B3GALT5: variants seen among roughly 807,000 people sequenced by gnomAD.
The protein encoded by B3GALT5 is UDP-Gal:betaGlcNAc beta 1,3-galactosyltransferase, polypeptide 5.
For missense variants in B3GALT5, 328 were observed against 396.6 expected, an observed-to-expected ratio of 0.83 and a Z score of 1.47; for synonymous variants, 156 against 158.6, an observed-to-expected ratio of 0.98 and a Z score of 0.12.
chr21:39,651,958 G>C (rs910639958), intron 2 of B3GALT5, among the ~76,000 whole-genome samples: 20 of 152,142 alleles, frequency 1.3e-4, no homozygotes, highest in Non-Finnish European at 2.6e-4. Context: ...GAGTTCACAG[G>C]CTTCACCCGA....
intron 1 of B3GALT5, among the ~76,000 whole-genome samples, chr21:39,625,124 AC>A: frequency 6.6e-6 from 1 of 152,336 alleles, no homozygotes; most frequent in Admixed American, 6.5e-5. Flanking sequence ...CATGCCACTT[AC>A]ACATGTCTAA....
chr21:39,638,305 C>T (rs1276436999), intron 1 of B3GALT5, among the ~76,000 whole-genome samples: 1 of 152,128 alleles, frequency 6.6e-6, no homozygotes, highest in Non-Finnish European at 1.5e-5. Flanking sequence ...ACACAGGTGG[C>T]GGGACGTCGA....
At chr21:39,638,446 C>CG in intron 1 of B3GALT5, among the ~76,000 whole-genome samples, 1 of 152,280 alleles carries the variant, frequency 6.6e-6, no homozygotes, top group South Asian at 2.1e-4. Context: ...CTAGGGCAGT[C>CG]GGGGGAGAGC....
intron 1 of B3GALT5, among the ~76,000 whole-genome samples, chr21:39,619,724 T>G (rs187336991): frequency 6.6e-6 from 1 of 152,216 alleles, no homozygotes; most frequent in Non-Finnish European, 1.5e-5. Flanking sequence ...CCACAAGTTT[T>G]AATTGCTGTG....
intron 1 of B3GALT5, among the ~76,000 whole-genome samples, chr21:39,642,183 G>A (rs1158841226): frequency 6.6e-6 from 1 of 152,194 alleles, no homozygotes; most frequent in Non-Finnish European, 1.5e-5. Context: ...TTCATCAAGT[G>A]TACATTGCAC....
Position 39,666,839 on chromosome 21 carries a change from C to G in B3GALT5, c.*5347C>G, listed in dbSNP as rs901349967. On this transcript the variant is annotated 3_prime_UTR_variant, in exon 4 of 4. Transcript: ENST00000684187. ...CCTTCTTTCCTTGAGCCCCATATCC[C>G]ACGCCCGCTGTGCTAACCTCTGGCT... 1 of 152,316 alleles carries G rather than the reference C, an allele frequency of 6.6e-6. No individual in the cohort carries two copies. The highest frequency in any genetic ancestry group is 1.5e-5 in the Non-Finnish European group (1 of 68,108). 9.4% of individuals were successfully genotyped at this position (152,316 alleles called of 1,614,324 possible).
At chr21:39,649,656 A>T (rs199636783) in intron 2 of B3GALT5, among the ~76,000 whole-genome samples, 29 of 70,946 alleles carry the variant, frequency 4.1e-4, no homozygotes, top group South Asian at 1.8e-3. Flanking sequence ...AGGAGACCCC[A>T]GGGGCGAGGG....
Position 39,665,125 on chromosome 21 carries a change from C to T in B3GALT5, c.*3633C>T, listed in dbSNP as rs2079567363. 6.6e-6 allele frequency: 1 copy of T among 152,276 alleles called. No individual in the cohort carries two copies. Among genetic ancestry groups the T allele is most frequent in the Non-Finnish European group, 1.5e-5 (1 of 68,174 alleles). The allele number at this position is 152,276 out of a possible 1,614,324, so 9.4% of individuals were successfully genotyped here. A position where few individuals can be genotyped will look rare whatever the true frequency, so the allele number is the denominator to read the frequency against. On this transcript the variant is annotated 3_prime_UTR_variant, in exon 4 of 4. Transcript: ENST00000684187. ...CACATCCAGCCCATCTGCAGCCATT[C>T]CCGTCTCAGGTAATGGCCACTCCAT...
At chr21:39,634,153 G>A (rs951014211) in intron 1 of B3GALT5, among the ~76,000 whole-genome samples, 3 of 151,970 alleles carry the variant, frequency 2.0e-5, no homozygotes, top group Non-Finnish European at 4.4e-5. Context: ...TTTCAACGTC[G>A]GGTCTTATTA....
chr21:39,636,901 A>G (rs1469282804), intron 1 of B3GALT5, among the ~76,000 whole-genome samples: 1 of 152,112 alleles, frequency 6.6e-6, no homozygotes, highest in Non-Finnish European at 1.5e-5. Flanking sequence ...GCTGTTTCTC[A>G]TGACTTTTAG....
intron 1 of B3GALT5, among the ~76,000 whole-genome samples, chr21:39,629,338 A>G (rs113495819): frequency 1.8e-4 from 27 of 152,280 alleles, no homozygotes; most frequent in Admixed American, 3.3e-4. Context: ...TGTATTCTAT[A>G]CGTGCCATTT....
At chr21:39,638,711 C>A (rs187931286) in intron 1 of B3GALT5, among the ~76,000 whole-genome samples, 119 of 152,260 alleles carry the variant, frequency 7.8e-4, no homozygotes, top group Non-Finnish European at 1.4e-3. Context: ...CTGGAACACA[C>A]GCCCACTGGG....
chr21:39,620,606 T>A (rs936445486), intron 1 of B3GALT5, among the ~76,000 whole-genome samples: 1 of 152,232 alleles, frequency 6.6e-6, no homozygotes, highest in Non-Finnish European at 1.5e-5. Flanking sequence ...TAAAGGGATG[T>A]GTGCTGAGAC....
At chr21:39,617,135 C>G (rs2079111031) in intron 1 of B3GALT5, among the ~76,000 whole-genome samples, 1 of 152,214 alleles carries the variant, frequency 6.6e-6, no homozygotes, top group Non-Finnish European at 1.5e-5. Context: ...TGAATTATTA[C>G]TGTCTTTTCC....
chr21:39,645,881 T>C (rs1259902579), intron 1 of B3GALT5, among the ~76,000 whole-genome samples: 1 of 151,764 alleles, frequency 6.6e-6, no homozygotes, highest in East Asian at 1.9e-4. Flanking sequence ...GTTTTTACTC[T>C]GTTAAACAAA....
In B3GALT5 at chr21:39,671,351, T is replaced by G. The variant is rs188545266; in HGVS notation, c.*9859T>G. 5.3e-5 allele frequency: 8 copies of G among 152,356 alleles called. No individual in the cohort carries two copies. In the East Asian group the frequency reaches 1.4e-3, roughly 26 times the overall value. 9.4% of individuals were successfully genotyped at this position (152,356 alleles called of 1,614,324 possible). ...GACATTATAGCAATTTCCATGGCTG[T>G]GTCGCTCCTGGCAGATTTTAAAGTT... On this transcript the variant is annotated 3_prime_UTR_variant, in exon 4 of 4. Transcript: ENST00000684187.
At position 39,660,648 on chromosome 21, in the gene B3GALT5, CT is replaced by C; in HGVS notation, c.92del (p.Phe31SerfsTer33). The C allele has an allele frequency of 6.5e-7, 1 of 1,534,858 alleles. No individual in the cohort carries two copies. Among genetic ancestry groups the C allele is most frequent in the Non-Finnish European group, 8.8e-7 (1 of 1,142,548 alleles). ...TATTTTAGCATGTACAGTCTAAATC[CT>C]TTCAAAGAACAGTCCTTTGTTTACA... ...CLYFSMYSLNPFKEQSFVYKK... is the reference protein window; with the variant it reads ...CLYFSMYSLNXFKEQSFVYKK... On this transcript the variant is annotated frameshift_variant, in exon 4 of 4. Transcript: ENST00000684187. LOFTEE classifies it low-confidence loss of function (END_TRUNC).
intron 1 of B3GALT5, among the ~76,000 whole-genome samples, chr21:39,615,449 C>T (rs1461967080): frequency 2.6e-5 from 4 of 152,150 alleles, no homozygotes; most frequent in East Asian, 1.9e-4. Flanking sequence ...ACAAAACAAC[C>T]GGAATTTTTA....
rs1231415638 is a variant in B3GALT5, at chr21:39,669,245, G to A, written c.*7753G>A. The A allele has an allele frequency of 1.3e-5, 2 of 152,204 alleles. No individual in the cohort carries two copies. The highest frequency in any genetic ancestry group is 3.9e-4 in the East Asian group (2 of 5,188). 9.4% of individuals were successfully genotyped at this position (152,204 alleles called of 1,614,324 possible). On this transcript the variant is annotated 3_prime_UTR_variant, in exon 4 of 4. Transcript: ENST00000684187. ...GAGGTAAAAGAAGTTGGAGCTGGAA[G>A]ATGCCTTAGAAATTATCTACAGTAT...
Sources: allele counts gnomAD v4.1 joint callset (sites outside exome capture counted in the v4.1 genomes callset), GRCh38; gene constraint gnomAD v4.1.1; transcripts MANE v1.5; gene names NCBI Gene and HGNC (gene_info 2026-07-23, HGNC 2026-07-21).